The following NCOR2 variants were observed in gnomAD, a reference collection of about 807,000 sequenced individuals.
The protein encoded by NCOR2 is nuclear receptor corepressor 2, also known as CTG repeat protein 26.
NCOR2 carries 81 observed loss-of-function variants against 262.9 expected under a neutral mutation model. The observed-to-expected ratio is 0.31, with a 90% CI of 0.26 to 0.37. NCOR2 has a LOEUF of 0.37. Ranked by LOEUF, NCOR2 falls within the 10% of genes least tolerant of loss-of-function variation. The pLI is 1.00. For synonymous variants in NCOR2, 1,659 were observed against 1,559.3 expected (o/e 1.06, Z -1.51); for missense variants, 3,385 against 3,621.4 (o/e 0.93, Z 1.68).
Position 124,354,597 on chromosome 12 carries a change from G to A in NCOR2, c.3485-15C>T. 1 of 1,540,962 alleles carries A rather than the reference G, an allele frequency of 6.5e-7. No individual in the cohort carries two copies. Among genetic ancestry groups the A allele is most frequent in the Non-Finnish European group, 8.7e-7 (1 of 1,145,350 alleles). ...GCTGAAGGGTGCTGAGGACCAGTAA[G>A]AGGAGCGAGTCACGTGCTGCCGGAG... On this transcript the variant is annotated splice_polypyrimidine_tract_variant and intron_variant, in intron 25 of 46. Transcript: ENST00000405201.
In NCOR2 at chr12:124,443,451, A is replaced by G. The variant is rs1443381551; in HGVS notation, c.816-5455T>C. Among the ~76,000 whole-genome samples, 1 of 152,192 alleles carries G rather than the reference A, an allele frequency of 6.6e-6. No homozygotes were observed. The highest frequency in any genetic ancestry group is 6.5e-5 in the Admixed American group (1 of 15,284). On this transcript the variant is annotated intron_variant, in intron 7 of 46. Coordinates refer to ENST00000405201, the Ensembl canonical transcript of NCOR2. The surrounding 1 kb of genome is among the most constrained non-coding windows in gnomAD (Gnocchi z 4.4). ...AAACTGCACAGTGCACAGGCCAGAG[A>G]CAGCCTCTGAGGGTGTTGTGTTGGG...
chr12:124,344,802 G>A, exon 32 of NCOR2: 1 of 1,553,658 alleles, frequency 6.4e-7, no homozygotes, highest in Non-Finnish European at 8.7e-7. Flanking sequence ...TCTCCTCGTA[G>A]CAGGCACGTT....
chr12:124,393,551 C>T lies in NCOR2; in HGVS notation c.1876+4568G>A, dbSNP rs527682745. 4.6e-5 allele frequency among the ~76,000 whole-genome samples: 7 copies of T among 152,352 alleles called. No individual in the cohort carries two copies. In the East Asian group the frequency reaches 9.7e-4, roughly 21 times the overall value. On this transcript the variant is annotated intron_variant, in intron 16 of 46. Coordinates refer to ENST00000405201, the Ensembl canonical transcript of NCOR2. ...TGGGATTCAACCACTTCTCATGGGG[C>T]CACACTGCCCCTGCCATGGGGCCTT...
chr12:124,418,595 T>A (rs2136287199), intron 13 of NCOR2, among the ~76,000 whole-genome samples: 1 of 152,318 alleles, frequency 6.6e-6, no homozygotes, highest in Non-Finnish European at 1.5e-5. Context: ...AAACAACGGC[T>A]TTACCATTCT....
Position 124,517,432 on chromosome 12 carries a change from C to T in NCOR2, c.-118+18133G>A, listed in dbSNP as rs542010507. On this transcript the variant is annotated intron_variant, in intron 1 of 46. Coordinates refer to the NCOR2 transcript ENST00000404621. The surrounding 1 kb of genome is among the most constrained non-coding windows in gnomAD (Gnocchi z 7.6). ...CTTTCCAGTGTTTATCCCGGCTCCT[C>T]GCTGCCAAGTCCCTGGGCAAGCCTG... Among the ~76,000 whole-genome samples, 24 of 152,356 alleles carry T rather than the reference C, an allele frequency of 1.6e-4. No homozygotes were observed. Among genetic ancestry groups the T allele is most frequent in the African/African-American group, 5.5e-4 (23 of 41,590 alleles).
chr12:124,375,693 A>T (rs1177196900), intron 18 of NCOR2, among the ~76,000 whole-genome samples: 2 of 152,200 alleles, frequency 1.3e-5, no homozygotes, highest in African/African-American at 2.4e-5. Flanking sequence ...CCGGTCACCA[A>T]ATGCGCCTTG....
chr12:124,326,267 TGAG>T, exon 46 of NCOR2: 1 of 1,563,140 alleles, frequency 6.4e-7, no homozygotes, highest in Non-Finnish European at 8.6e-7. Context: ...CCGAGTGCAC[TGAG>T]GAGACAGAGG....
exon 47 of NCOR2, chr12:124,325,210 CG>C: frequency 2.5e-6 from 1 of 407,478 alleles, no homozygotes. Flanking sequence ...AGGGCCAGCC[CG>C]GGGCGGGAGT....
At chr12:124,438,930 CCCAGAGACAGAGGGAGAG>C (rs2136420636) in intron 7 of NCOR2, among the ~76,000 whole-genome samples, 3 of 68,606 alleles carry the variant, frequency 4.4e-5, no homozygotes, top group Admixed American at 1.8e-4. Flanking sequence ...GAGACGGAGA[CCCAGAGACAGAGGGAGAG>C]AGAGACCCAG....
chr12:124,559,283 C>T (rs770214193), intron 1 of NCOR2, among the ~76,000 whole-genome samples: 6 of 152,306 alleles, frequency 3.9e-5, no homozygotes, highest in Middle Eastern at 3.4e-3. Flanking sequence ...TGGCTTCAGA[C>T]GCACTTGCAA....
At chr12:124,475,266 C>A (rs1455915830) in intron 3 of NCOR2, among the ~76,000 whole-genome samples, 8 of 152,168 alleles carry the variant, frequency 5.3e-5, no homozygotes, top group African/African-American at 1.9e-4. Context: ...CAGGCCACCT[C>A]CCCCAGGGAC....
intron 1 of NCOR2, among the ~76,000 whole-genome samples, chr12:124,545,824 G>C (rs2051527373): frequency 6.6e-6 from 1 of 152,168 alleles, no homozygotes. Context: ...GAGTGGCGTG[G>C]AACAGCCTTT....
exon 11 of NCOR2, chr12:124,426,644 C>T: frequency 6.3e-7 from 1 of 1,594,176 alleles, no homozygotes; most frequent in Non-Finnish European, 8.6e-7. Flanking sequence ...GTCTCCTTCT[C>T]CTGCTCACTC....
chr12:124,385,272 G>GC (rs1470315164), intron 17 of NCOR2, among the ~76,000 whole-genome samples: 3 of 151,908 alleles, frequency 2.0e-5, no homozygotes, highest in Admixed American at 6.6e-5. Context: ...GTCCGCCCCC[G>GC]CCCCCCCAGA....
chr12:124,503,022 G>T lies in NCOR2; in HGVS notation c.-117-7654C>A, dbSNP rs2048829397. 6.6e-6 allele frequency among the ~76,000 whole-genome samples: 1 copy of T among 152,222 alleles called. No individual in the cohort carries two copies. The highest frequency in any genetic ancestry group is 2.1e-4 in the South Asian group (1 of 4,830). ...AGAGCCAGGTACCCAACCCCAGCCT[G>T]TCGTTGGCTCTGCCGGAGGGGCTGA... On this transcript the variant is annotated intron_variant, in intron 1 of 46. Transcript: ENST00000404621. The surrounding 1 kb of genome is among the most constrained non-coding windows in gnomAD (Gnocchi z 4.3).
intron 1 of NCOR2, among the ~76,000 whole-genome samples, chr12:124,493,536 G>A (rs2048207652): frequency 6.6e-6 from 1 of 152,198 alleles, no homozygotes; most frequent in Non-Finnish European, 1.5e-5. Context: ...TACGTAACTT[G>A]TCCAGTTTCC....
intron 35 of NCOR2, 72 bp from the exon 38 acceptor site, chr12:124,340,515 A>C: frequency 6.4e-7 from 1 of 1,571,528 alleles, no homozygotes. Flanking sequence ...CTGGGGTGGG[A>C]AAGAGAGCAG....
At chr12:124,537,225 C>T (rs11057664), upstream of NCOR2, among the ~76,000 whole-genome samples, 7,200 of 152,318 alleles carry the variant, frequency 0.047, 249 homozygotes, top group Middle Eastern at 0.082. Context: ...TATAATTGTT[C>T]GCTAATCTGC....
chr12:124,376,999 C>T (rs989929626), intron 18 of NCOR2, among the ~76,000 whole-genome samples: 3 of 152,170 alleles, frequency 2.0e-5, no homozygotes, highest in Non-Finnish European at 4.4e-5. Flanking sequence ...CAGTCTAGAC[C>T]CCCAGCTTCC....
Sources: allele counts gnomAD v4.1 joint callset (sites outside exome capture counted in the v4.1 genomes callset), GRCh38; gene constraint gnomAD v4.1.1; non-coding constraint Gnocchi (gnomAD v3.1); transcripts MANE v1.5; gene names NCBI Gene and HGNC (gene_info 2026-07-23, HGNC 2026-07-21).